The following SPIRE1 variants were observed in gnomAD, a reference collection of about 807,000 sequenced individuals.
SPIRE1 encodes protein spire homolog 1.
Under a neutral mutation model 94.1 loss-of-function variants are expected in SPIRE1, and 40 were observed. The ratio of observed to expected loss-of-function variants is 0.43; its 90% confidence interval spans 0.33 to 0.55. The LOEUF (loss-of-function observed/expected upper bound fraction) is 0.55, where lower values mean the gene tolerates loss of function less well. Among genes scored for constraint, SPIRE1 ranks in the 20% least tolerant of loss-of-function variants. The pLI is 0.06. For missense variants in SPIRE1, 838 were observed against 975.2 expected (o/e 0.86, Z 1.87); for synonymous variants, 376 against 371.7 (o/e 1.01, Z -0.13).
Position 12,486,084 on chromosome 18 carries a change from AT to A in SPIRE1, c.1190-85del, listed in dbSNP as rs2033029391. The stretch of plus-strand genomic sequence containing the variant: ...AGAGGACAAAAAAGGGAACGGATTA[AT>A]GAAGACCCTTAGTGGCTACATGTCA... On this transcript the variant is annotated intron_variant, in intron 8 of 16. Coordinates refer to ENST00000409402, the MANE Select transcript of SPIRE1 (RefSeq NM_001128626.2). The A allele has an allele frequency of 2.9e-6, 3 of 1,030,620 alleles. No homozygotes were observed. The South Asian group carries it at 4.5e-5, about 15-fold the overall frequency. The allele number at this position is 1,030,620 out of a possible 1,614,324, so 63.8% of individuals were successfully genotyped here. A position where few individuals can be genotyped will look rare whatever the true frequency, so the allele number is the denominator to read the frequency against.
chr18:12,509,209 T>A (rs985404723), intron 5 of SPIRE1, among the ~76,000 whole-genome samples: 1 of 152,236 alleles, frequency 6.6e-6, no homozygotes, highest in Non-Finnish European at 1.5e-5. Flanking sequence ...TTCATTCTAA[T>A]CTTTCTGGGT....
chr18:12,567,419 C>T (rs2035847087), intron 2 of SPIRE1, among the ~76,000 whole-genome samples: 2 of 152,166 alleles, frequency 1.3e-5, no homozygotes, highest in Admixed American at 1.3e-4. Context: ...TCAATGCAAT[C>T]CAAATTTCAG....
intron 3 of SPIRE1, among the ~76,000 whole-genome samples, chr18:12,539,471 G>A (rs1567918861): frequency 6.6e-6 from 1 of 152,048 alleles, no homozygotes; most frequent in Non-Finnish European, 1.5e-5. Context: ...TTTAGGTTAT[G>A]TCTTTATCAG....
intron 12 of SPIRE1, among the ~76,000 whole-genome samples, chr18:12,457,138 G>C (rs1175215498): frequency 1.4e-4 from 21 of 152,094 alleles, no homozygotes; most frequent in Admixed American, 1.3e-3. Context: ...GCCATCATGA[G>C]ATATAATTTA....
chr18:12,651,008 G>T (rs919375409), intron 1 of SPIRE1, among the ~76,000 whole-genome samples: 1 of 152,128 alleles, frequency 6.6e-6, no homozygotes, highest in Non-Finnish European at 1.5e-5. Flanking sequence ...TAAATGAAGG[G>T]ACTTGAAGTT....
Position 12,657,926 on chromosome 18 carries a change from G to A in SPIRE1, c.-60C>T. 2.9e-6 allele frequency: 3 copies of A among 1,018,960 alleles called. No individual in the cohort carries two copies. Among genetic ancestry groups the A allele is most frequent in the Non-Finnish European group, 3.5e-6 (3 of 854,130 alleles). The allele number at this position is 1,018,960 out of a possible 1,614,324, so 63.1% of individuals were successfully genotyped here. Reference sequence around the variant, plus strand: ...GTGTGCCGGCGTCTCCTCAGCTCCGGAGCATCGTCGTCGCGCGCCGCCGCC... The same window carrying A: ...GTGTGCCGGCGTCTCCTCAGCTCCGAAGCATCGTCGTCGCGCGCCGCCGCC... On this transcript the variant is annotated 5_prime_UTR_variant, in exon 1 of 17. Coordinates refer to ENST00000409402, the MANE Select transcript of SPIRE1 (RefSeq NM_001128626.2).
intron 4 of SPIRE1, among the ~76,000 whole-genome samples, chr18:12,520,592 A>T (rs901077503): frequency 3.1e-4 from 47 of 152,214 alleles, no homozygotes; most frequent in African/African-American, 1.1e-3. Flanking sequence ...AAAGACAGAC[A>T]GCAGCAAGGA....
chr18:12,552,930 C>T (rs74390845), intron 2 of SPIRE1, among the ~76,000 whole-genome samples: 1 of 152,288 alleles, frequency 6.6e-6, no homozygotes, highest in Non-Finnish European at 1.5e-5. Context: ...ATGAGACCCC[C>T]ATTCCAGGCC....
At chr18:12,581,829 A>G (rs1309025452) in intron 2 of SPIRE1, among the ~76,000 whole-genome samples, 2 of 151,858 alleles carry the variant, frequency 1.3e-5, no homozygotes, top group African/African-American at 2.4e-5. Flanking sequence ...ACACCACTGC[A>G]CTCCAGCCTG....
intron 1 of SPIRE1, among the ~76,000 whole-genome samples, chr18:12,647,573 G>A (rs1479534901): frequency 6.6e-6 from 1 of 152,066 alleles, no homozygotes; most frequent in Non-Finnish European, 1.5e-5. Flanking sequence ...TATAGTGAGA[G>A]ACCCTGTCTC....
chr18:12,480,704 C>A (rs1386881467), intron 9 of SPIRE1, among the ~76,000 whole-genome samples: 1 of 152,162 alleles, frequency 6.6e-6, no homozygotes, highest in African/African-American at 2.4e-5. Context: ...CACAGCTGAT[C>A]CATGAGTCTT....
chr18:12,606,252 C>T (rs1490034199), intron 2 of SPIRE1, among the ~76,000 whole-genome samples: 1 of 152,032 alleles, frequency 6.6e-6, no homozygotes, highest in East Asian at 1.9e-4. Context: ...TCTATGCAAG[C>T]AGAGGTTTTG....
chr18:12,558,919 T>C (rs1319994534), intron 2 of SPIRE1, among the ~76,000 whole-genome samples: 1 of 152,108 alleles, frequency 6.6e-6, no homozygotes, highest in East Asian at 1.9e-4. Context: ...TTACAAACCT[T>C]GAGCTAGACA....
At chr18:12,531,318 C>A (rs2034676196) in intron 4 of SPIRE1, among the ~76,000 whole-genome samples, 1 of 152,210 alleles carries the variant, frequency 6.6e-6, no homozygotes, top group South Asian at 2.1e-4. Flanking sequence ...CTCATAAACT[C>A]TCTTCTCTCC....
At chr18:12,497,284 A>C (rs1175143792) in intron 6 of SPIRE1, among the ~76,000 whole-genome samples, 2 of 152,216 alleles carry the variant, frequency 1.3e-5, no homozygotes, top group African/African-American at 4.8e-5. Flanking sequence ...TTTTTAATGC[A>C]ATGTGTTAAA....
intron 10 of SPIRE1, among the ~76,000 whole-genome samples, chr18:12,471,819 C>G (rs2032372292): frequency 1.3e-5 from 2 of 152,168 alleles, no homozygotes; most frequent in South Asian, 4.1e-4. Context: ...GAGTCTTGCT[C>G]TGTCACCCCT....
chr18:12,575,668 A>C (rs1477015160), intron 2 of SPIRE1, among the ~76,000 whole-genome samples: 2 of 152,202 alleles, frequency 1.3e-5, no homozygotes, highest in Non-Finnish European at 2.9e-5. Flanking sequence ...TAAGTGGTAA[A>C]TAAGCATATG....
At chr18:12,615,345 A>AAAATATATAT in intron 2 of SPIRE1, among the ~76,000 whole-genome samples, 1 of 17,244 alleles carries the variant, frequency 5.8e-5, no homozygotes, top group Non-Finnish European at 1.9e-4. Flanking sequence ...AAAAAAAAAA[A>AAAATATATAT]ATATATATAT....
At chr18:12,580,365 C>A (rs1331675897) in intron 2 of SPIRE1, among the ~76,000 whole-genome samples, 1 of 151,928 alleles carries the variant, frequency 6.6e-6, no homozygotes, top group Non-Finnish European at 1.5e-5. Context: ...GCTCTGTCAC[C>A]CAGGCTGGAG....
Sources: gnomAD v4.1 joint callset for allele counts (sites outside exome capture counted in the v4.1 genomes callset) on GRCh38, gnomAD v4.1.1 for gene constraint, MANE v1.5 for transcripts, NCBI Gene and HGNC (gene_info 2026-07-23, HGNC 2026-07-21) for gene names.